The following LTN1 variants were observed in gnomAD, a reference collection of about 807,000 sequenced individuals.
The protein encoded by LTN1 is listerin E3 ubiquitin protein ligase 1, also known as E3 ubiquitin-protein ligase listerin.
A neutral mutation model predicts 201.2 loss-of-function variants in LTN1; 88 were observed. The observed-to-expected ratio is 0.44, with a 90% CI of 0.37 to 0.52. The LOEUF (loss-of-function observed/expected upper bound fraction) is 0.52. LTN1 is among the 20% of genes least tolerant of loss of function. LTN1 has a pLI of 0.00. For synonymous variants in LTN1, 645 were observed against 713.5 expected (o/e 0.90, Z 1.53); for missense variants, 1,752 against 2,038.7 (o/e 0.86, Z 2.71).
rs1467505624 is a variant in LTN1, at chr21:28,966,506, A to G, written c.1985T>C (p.Leu662Ser). 6.2e-7 allele frequency: 1 copy of G among 1,614,168 alleles called. No individual in the cohort carries two copies. The highest frequency in any genetic ancestry group is 8.5e-7 in the Non-Finnish European group (1 of 1,180,016). ...LVQKNPAVQFLYQKLIGWLNE... is the reference protein window; with the variant it reads ...LVQKNPAVQFSYQKLIGWLNE... ...TAGCCAACCTATCAGTTTCTGGTAT[A>G]AAAACTGCACCGCAGGATTTTTTTG... Residue 662 changes from leucine (L) to serine (S), a missense_variant, in exon 10 of 30, where the codon TTA becomes TCA. Leu to Ser is a moderately radical substitution (Grantham distance 145, BLOSUM62 -2). Transcript: ENST00000361371.
chr21:28,929,040 C>T lies in LTN1; in HGVS notation c.*1408G>A, dbSNP rs145620700. ...AGGCTAGAAGACAATAAATATTTTACAGTAAAATGTAGGAGGCAAACAAAA... is the reference window on the plus strand; with the variant it reads ...AGGCTAGAAGACAATAAATATTTTATAGTAAAATGTAGGAGGCAAACAAAA... On this transcript the variant is annotated 3_prime_UTR_variant, in exon 30 of 30. Coordinates refer to ENST00000361371, the MANE Select transcript of LTN1 (RefSeq NM_015565.3). The T allele has an allele frequency of 7.8e-4, 119 of 152,574 alleles. No individual in the cohort carries two copies. The highest frequency in any genetic ancestry group is 2.7e-3 in the African/African-American group (114 of 41,506). The allele number at this position is 152,574 out of a possible 1,614,324, so 9.5% of individuals were successfully genotyped here. A position where few individuals can be genotyped will look rare whatever the true frequency, so the allele number is the denominator to read the frequency against.
chr21:28,971,366 C>T lies in LTN1; in HGVS notation c.889G>A (p.Val297Met). Reference protein sequence around the residue: ...PQLMKEEASKVSPSVLLSIDD... With the variant: ...PQLMKEEASKMSPSVLLSIDD... ...ATGCTAAGTAGAACTGATGGGCTCA[C>T]TTTGGATGCTTCCTCTTTCATCAAC... The change falls in exon 7 of 30, where the codon GTG becomes ATG. Residue 297 changes from valine (V) to methionine (M), a missense_variant. Val to Met is a conservative substitution (Grantham distance 21). Transcript: ENST00000361371. 6.2e-7 allele frequency: 1 copy of T among 1,614,076 alleles called. No individual in the cohort carries two copies. The highest frequency in any genetic ancestry group is 8.5e-7 in the Non-Finnish European group (1 of 1,179,972).
chr21:28,958,691 A>T, intron 13 of LTN1, 152 bp from the exon 14 acceptor site: 1 of 554,006 alleles, frequency 1.8e-6, no homozygotes, highest in South Asian at 2.4e-5. Context: ...TCAATTGCCA[A>T]ACAAAGCAAC....
Position 28,986,138 on chromosome 21 carries a change from C to G in LTN1, c.345+1G>C. ...TAAACTAGCAAAGTTTTAATACTTA[C>G]AAGTGAAATTTTGCAAAAAATTCTT... On this transcript the variant is annotated splice_donor_variant, in intron 3 of 29. Coordinates refer to ENST00000361371, the MANE Select transcript of LTN1 (RefSeq NM_015565.3). LOFTEE classifies it high-confidence loss of function. The surrounding 1 kb of genome is among the most constrained non-coding windows in gnomAD (Gnocchi z 4.1). 3.2e-6 allele frequency: 5 copies of G among 1,557,158 alleles called. No homozygotes were observed. Among genetic ancestry groups the G allele is most frequent in the Non-Finnish European group, 4.4e-6 (5 of 1,128,514 alleles).
intron 18 of LTN1, 54 bp downstream of exon 18, chr21:28,952,106 C>T: frequency 9.5e-7 from 1 of 1,053,498 alleles, no homozygotes; most frequent in East Asian, 2.5e-5. Flanking sequence ...TAGGGGTTGC[C>T]AAAGTGACCG....
intron 6 of LTN1, among the ~76,000 whole-genome samples, chr21:28,975,252 C>T (rs551402903): frequency 4.6e-5 from 7 of 152,130 alleles, no homozygotes; most frequent in African/African-American, 1.7e-4. Flanking sequence ...TAGACAATTT[C>T]ATCTAAGAAA....
intron 1 of LTN1, among the ~76,000 whole-genome samples, chr21:28,991,569 T>C (rs1027815990): frequency 3.3e-5 from 5 of 152,208 alleles, no homozygotes; most frequent in East Asian, 1.9e-4. Flanking sequence ...GTATTAGCAA[T>C]TGGTAAATGT....
rs904697800 is a variant in LTN1 at position 28,957,407 on chromosome 21, A to T, written c.2817T>A (p.Leu939=). 1 of 1,608,116 alleles carries T rather than the reference A, an allele frequency of 6.2e-7. No individual in the cohort carries two copies. Among genetic ancestry groups the T allele is most frequent in the Non-Finnish European group, 8.5e-7 (1 of 1,177,924 alleles). The change falls in exon 15 of 30, where the codon CTT becomes CTA. Residue 939 remains leucine (L), a synonymous_variant. Coordinates refer to ENST00000361371, the MANE Select transcript of LTN1 (RefSeq NM_015565.3). Reference sequence around the variant, plus strand: ...TTACACTTCCAATATAAACTCCCATAAGATAAGAATCTTCACTCTCTAGAA... The same window carrying T: ...TTACACTTCCAATATAAACTCCCATTAGATAAGAATCTTCACTCTCTAGAA... ...NTLLESEDSY[L]MGVYIGSVMP...
At chr21:28,935,472 C>A (rs2084247567) in intron 26 of LTN1, 143 bp from the exon 27 acceptor site, 5 of 611,200 alleles carry the variant, frequency 8.2e-6, no homozygotes, top group Non-Finnish European at 1.2e-5. Flanking sequence ...ACCAGAGAAA[C>A]CAGAACTCTG....
At position 28,982,124 on chromosome 21, in the gene LTN1, T is replaced by C. The variant is rs112625592; in HGVS notation, c.629+192A>G. Among the ~76,000 whole-genome samples the C allele has an allele frequency of 2.5e-3, 384 of 152,118 alleles. 2 individuals carry two copies. Among genetic ancestry groups the C allele is most frequent in the African/African-American group, 9.0e-3 (372 of 41,496 alleles). On this transcript the variant is annotated intron_variant, in intron 5 of 29. Transcript: ENST00000361371. ...CCCAGCTACTCGAGAGGCTTAGGCA[T>C]GAGAATCATTTGAACCCAGAAGCTG... is the stretch of plus-strand genomic sequence containing the variant.
rs1568836333 is a variant in LTN1, at chr21:28,944,405, T to C, written c.3960A>G (p.Leu1320=). 6.2e-7 allele frequency: 1 copy of C among 1,613,336 alleles called. No homozygotes were observed. The highest frequency in any genetic ancestry group is 2.2e-5 in the East Asian group (1 of 44,866). ...TGCCTGTAACAGTCACCAAAATAGG[T>C]AAAAGCAAACTGTGGATGCCTTGGG... ...FFSQGIHSLL[L]PILVTVTGEN... The change falls in exon 22 of 30, where the codon TTA becomes TTG. Residue 1320 remains leucine, a synonymous_variant. Transcript: ENST00000361371.
In LTN1 at chr21:28,941,399, G is replaced by A; in HGVS notation, c.4303C>T (p.Pro1435Ser). The change falls in exon 25 of 30, where the codon CCA becomes TCA. Residue 1435 changes from proline (P) to serine (S), a missense_variant. Transcript: ENST00000361371. ...CTAAGAAGAGACATCAGTGCTGCTG[G>A]TGGTGACCTAAGAATCAATGATTAA... is the stretch of plus-strand genomic sequence containing the variant. Reference protein sequence around the residue: ...DEEEEPALSPPAALMSLLSIQ... With the variant: ...DEEEEPALSPSAALMSLLSIQ... 1.2e-6 allele frequency: 2 copies of A among 1,605,476 alleles called. No homozygotes were observed. The highest frequency in any genetic ancestry group is 1.7e-6 in the Non-Finnish European group (2 of 1,177,700).
At chr21:28,990,025 C>T (rs1027949237) in intron 1 of LTN1, among the ~76,000 whole-genome samples, 2 of 151,824 alleles carry the variant, frequency 1.3e-5, no homozygotes, top group African/African-American at 2.4e-5. Flanking sequence ...ACAATTTGAT[C>T]TTTATATAAC....
At chr21:28,941,569 A>G (rs1265320397) in intron 24 of LTN1, among the ~76,000 whole-genome samples, 163 bp from the exon 25 acceptor site, 4 of 152,242 alleles carry the variant, frequency 2.6e-5, no homozygotes, top group Admixed American at 1.3e-4. Context: ...CTAATCTCAC[A>G]TAACAGTAAA....
Position 28,969,518 on chromosome 21 carries a change from A to G in LTN1, c.1259T>C (p.Met420Thr). The G allele has an allele frequency of 6.2e-7, 1 of 1,613,026 alleles. No individual in the cohort carries two copies. Among genetic ancestry groups the G allele is most frequent in the Non-Finnish European group, 8.5e-7 (1 of 1,179,466 alleles). The change falls in exon 9 of 30, where the codon ATG (methionine) becomes ACG (threonine). Residue 420 changes from methionine to threonine, a missense_variant. Physicochemically the swap from Met to Thr is moderately conservative, Grantham distance 81. Transcript: ENST00000361371. ...CTCTTCCTCACCTAAGTTTTGCTGC[A>G]TTATAAAACGTAAGCATTCAAAAAA... ...SAFFECLRFIMQQNLGEEEIE... is the reference protein window; with the variant it reads ...SAFFECLRFITQQNLGEEEIE...
At chr21:28,992,490 C>G (rs965881222) in intron 1 of LTN1, among the ~76,000 whole-genome samples, 1 of 152,218 alleles carries the variant, frequency 6.6e-6, no homozygotes, top group Non-Finnish European at 1.5e-5. Context: ...TTCCAGTGAA[C>G]CTGACACATT....
In LTN1 at chr21:28,965,922, G is replaced by C; in HGVS notation, c.2122-16C>G. 6.6e-7 allele frequency: 1 copy of C among 1,514,558 alleles called. No homozygotes were observed. 93.8% of individuals were successfully genotyped at this position (1,514,558 alleles called of 1,614,324 possible). A position where few individuals can be genotyped will look rare whatever the true frequency, so the allele number is the denominator to read the frequency against. ...TCAAGTCCACCTGAAAAAAGAAAAA[G>C]AGTTAGAAACAATCTGCTAGAACAA... On this transcript the variant is annotated splice_polypyrimidine_tract_variant and intron_variant, in intron 10 of 29. Transcript: ENST00000361371.
chr21:28,984,747 A>C lies in LTN1; in HGVS notation c.521T>G (p.Phe174Cys). The stretch of plus-strand genomic sequence containing the variant: ...GGCTTCAGGTTGCTTGCTTGGAGGA[A>C]AAGCCGCTTCAAATGCATCTTTTGC... The part of the protein sequence containing the change: ...FAAKDAFEAA[F>C]PPSKQPEAIA... Residue 174 changes from phenylalanine to cysteine, a missense_variant, in exon 4 of 30, where the codon TTT becomes TGT. Physicochemically the swap from Phe to Cys is radical, Grantham distance 205. Transcript: ENST00000361371. 1 of 1,614,188 alleles carries C rather than the reference A, an allele frequency of 6.2e-7. No individual in the cohort carries two copies. The highest frequency in any genetic ancestry group is 2.2e-5 in the East Asian group (1 of 44,882).
chr21:28,953,528 C>G, intron 16 of LTN1, 152 bp from the exon 17 acceptor site: 1 of 516,478 alleles, frequency 1.9e-6, no homozygotes, highest in South Asian at 3.8e-5. Flanking sequence ...TTGAGATGTT[C>G]AAGGACAATG....
Sources: gnomAD v4.1 joint callset for allele counts (sites outside exome capture counted in the v4.1 genomes callset) on GRCh38, gnomAD v4.1.1 for gene constraint, Gnocchi (gnomAD v3.1) non-coding constraint, MANE v1.5 for transcripts, NCBI Gene and HGNC (gene_info 2026-07-23, HGNC 2026-07-21) for gene names.